FRMD3: variants seen among roughly 807,000 people sequenced by gnomAD.
The protein encoded by FRMD3 is FERM domain-containing protein 3.
FRMD3 carries 33 observed loss-of-function variants against 70.2 expected under a neutral mutation model. The observed-to-expected ratio is 0.47, with a 90% CI of 0.36 to 0.63. The LOEUF (loss-of-function observed/expected upper bound fraction) is 0.63, where lower values mean the gene tolerates loss of function less well. FRMD3 is among the 20% of genes least tolerant of loss of function. FRMD3 has a pLI of 0.00. For synonymous variants in FRMD3, 279 were observed against 255.9 expected, an observed-to-expected ratio of 1.09 and a Z score of -0.86; for missense variants, 632 against 711.4, an observed-to-expected ratio of 0.89 and a Z score of 1.27.
At chr9:83,456,849 A>C (rs971181148) in intron 1 of FRMD3, among the ~76,000 whole-genome samples, 1 of 152,030 alleles carries the variant, frequency 6.6e-6, no homozygotes, top group Non-Finnish European at 1.5e-5. Context: ...GCATGGTGGC[A>C]TATACCTGTA....
At chr9:83,485,860 A>G (rs1173691040) in intron 1 of FRMD3, among the ~76,000 whole-genome samples, 1 of 152,188 alleles carries the variant, frequency 6.6e-6, no homozygotes, top group East Asian at 1.9e-4. Context: ...GAACCTAACA[A>G]AGAGAATTCG....
At chr9:83,491,540 A>C (rs1828825837) in intron 1 of FRMD3, among the ~76,000 whole-genome samples, 1 of 152,120 alleles carries the variant, frequency 6.6e-6, no homozygotes, top group South Asian at 2.1e-4. Flanking sequence ...CCACATGCCC[A>C]GGGGTCAGCA....
intron 3 of FRMD3, among the ~76,000 whole-genome samples, chr9:83,364,020 T>C (rs192379104): frequency 5.3e-5 from 8 of 152,318 alleles, no homozygotes; most frequent in African/African-American, 1.7e-4. Context: ...CTTATTCTAA[T>C]TTGCATTTCC....
intron 3 of FRMD3, among the ~76,000 whole-genome samples, chr9:83,353,688 C>T (rs1824239258): frequency 6.6e-6 from 1 of 152,188 alleles, no homozygotes; most frequent in East Asian, 1.9e-4. Context: ...TCATCTGGAT[C>T]ACTACAGCAA....
At chr9:83,546,664 T>G in the FRMD3 span, among the ~76,000 whole-genome samples, 2 of 152,042 alleles carry the variant, frequency 1.3e-5, no homozygotes, top group African/African-American at 2.4e-5. Context: ...AACATCAATA[T>G]TAACCTTGAA....
At chr9:83,569,145 A>G in the FRMD3 span, among the ~76,000 whole-genome samples, 4 of 152,184 alleles carry the variant, frequency 2.6e-5, no homozygotes, top group Non-Finnish European at 5.9e-5. Context: ...TATGGGCACG[A>G]AGGATATTAA....
chr9:83,502,596 G>C (rs1829095313), intron 1 of FRMD3, among the ~76,000 whole-genome samples: 1 of 152,168 alleles, frequency 6.6e-6, no homozygotes, highest in Non-Finnish European at 1.5e-5. Flanking sequence ...TGTTCCAGAA[G>C]AGGTGGGCAG....
intron 1 of FRMD3, among the ~76,000 whole-genome samples, chr9:83,475,530 T>G (rs1000652512): frequency 1.4e-4 from 22 of 152,120 alleles, no homozygotes; most frequent in African/African-American, 4.3e-4. Flanking sequence ...TCATATGTAT[T>G]GAGTACATGA....
intron 13 of FRMD3, among the ~76,000 whole-genome samples, chr9:83,273,609 T>TA (rs899879607): frequency 0.049 from 3,470 of 71,272 alleles, 73 homozygotes; most frequent in South Asian, 0.086. Flanking sequence ...CAATAAATAC[T>TA]AAAAAAAAAA....
At chr9:83,328,260 G>A (rs1836102300) in intron 6 of FRMD3, among the ~76,000 whole-genome samples, 1 of 152,012 alleles carries the variant, frequency 6.6e-6, no homozygotes, top group Admixed American at 6.6e-5. Context: ...TGGCAATTCA[G>A]AGACAAAGGA....
chr9:83,265,882 T>G (rs114661979), intron 13 of FRMD3, among the ~76,000 whole-genome samples: 178 of 152,310 alleles, frequency 1.2e-3, no homozygotes, highest in African/African-American at 4.0e-3. Flanking sequence ...GAAGCATCTA[T>G]TAAAGAGAAA....
At chr9:83,539,905 T>C (rs1173658769), upstream of FRMD3, among the ~76,000 whole-genome samples, 2 of 152,312 alleles carry the variant, frequency 1.3e-5, no homozygotes, top group African/African-American at 4.8e-5. Flanking sequence ...TCATGTAGGC[T>C]CTTGAGCTGG....
intron 5 of FRMD3, among the ~76,000 whole-genome samples, chr9:83,338,610 TAAG>T (rs956515284): frequency 1.2e-4 from 18 of 152,246 alleles, no homozygotes; most frequent in African/African-American, 4.1e-4. Context: ...GTTCTGAGCG[TAAG>T]AAGGAGGGAA....
At chr9:83,450,169 A>C (rs370130022) in intron 1 of FRMD3, among the ~76,000 whole-genome samples, 5 of 151,682 alleles carry the variant, frequency 3.3e-5, no homozygotes, top group African/African-American at 1.2e-4. Flanking sequence ...TGCCTGCCCC[A>C]CCTCCAGGAG....
At position 83,372,985 on chromosome 9, in the gene FRMD3, CA is replaced by C. The variant is rs534707501; in HGVS notation, c.253-31del. 9.8e-3 allele frequency: 15,632 copies of C among 1,591,878 alleles called. 149 individuals are homozygous for C. Among genetic ancestry groups the C allele is most frequent in the South Asian group, 0.028 (2,530 of 90,470 alleles). On this transcript the variant is annotated intron_variant, in intron 2 of 13. Coordinates refer to ENST00000304195, the MANE Select transcript of FRMD3 (RefSeq NM_174938.6). ...GGAGGAAAAAAAAAAAAGCAGAGAT[CA>C]GGGGTCAAATTGCTGGACCATACAA...
intron 6 of FRMD3, among the ~76,000 whole-genome samples, chr9:83,333,388 G>A (rs777352802): frequency 6.6e-5 from 10 of 151,918 alleles, no homozygotes; most frequent in African/African-American, 1.4e-4. Flanking sequence ...TATAAAGTGC[G>A]AGTGACTGAT....
rs149075380 is a variant in FRMD3, at chr9:83,354,952, G to A, written c.296-5195C>T. Among the ~76,000 whole-genome samples, 903 of 152,264 alleles carry A rather than the reference G, an allele frequency of 5.9e-3. 4 individuals carry two copies. The highest frequency in any genetic ancestry group is 0.013 in the South Asian group (64 of 4,814). Reference sequence around the variant, plus strand: ...GTAAGTCATTGAACAAGGAGGTTGGGGGTCATCTTTAACCCCAAGTGTGGT... The same window carrying A: ...GTAAGTCATTGAACAAGGAGGTTGGAGGTCATCTTTAACCCCAAGTGTGGT... On this transcript the variant is annotated intron_variant, in intron 3 of 13. Transcript: ENST00000304195.
At chr9:83,341,923 G>T (rs954778328) in intron 5 of FRMD3, among the ~76,000 whole-genome samples, 2 of 152,118 alleles carry the variant, frequency 1.3e-5, no homozygotes, top group South Asian at 4.1e-4. Flanking sequence ...AGAATGACAG[G>T]TTTCTCAATC....
At chr9:83,322,882 A>T (rs1338540490) in intron 6 of FRMD3, among the ~76,000 whole-genome samples, 2 of 152,324 alleles carry the variant, frequency 1.3e-5, no homozygotes, top group East Asian at 3.9e-4. Flanking sequence ...TTTGAAATAT[A>T]TCTACTTATT....
Sources: allele counts gnomAD v4.1 joint callset (sites outside exome capture counted in the v4.1 genomes callset), GRCh38; gene constraint gnomAD v4.1.1; transcripts MANE v1.5; gene names NCBI Gene and HGNC (gene_info 2026-07-23, HGNC 2026-07-21).